TMEM117: variants seen among roughly 807,000 people sequenced by gnomAD.
TMEM117 encodes transmembrane protein 117.
A neutral mutation model predicts 52.4 loss-of-function variants in TMEM117; 27 were observed. The ratio of observed to expected loss-of-function variants is 0.51; its 90% CI spans 0.38 to 0.71. The LOEUF (loss-of-function observed/expected upper bound fraction) is 0.71. Among genes scored for constraint, TMEM117 ranks in the 30% least tolerant of loss-of-function variants. TMEM117 has a pLI of 0.00. For missense variants in TMEM117, 556 were observed against 630.5 expected (o/e 0.88, Z 1.26); for synonymous variants, 215 against 206.3 (o/e 1.04, Z -0.36).
chr12:43,845,091 C>T (rs112801884), intron 2 of TMEM117, 163 bp downstream of exon 2: 2 of 703,666 alleles, frequency 2.8e-6, no homozygotes, highest in Non-Finnish European at 4.5e-6. Context: ...CAACTACTCT[C>T]TGTTAATGGT....
chr12:43,903,573 A>T (rs1466463761), intron 2 of TMEM117, among the ~76,000 whole-genome samples: 1 of 152,250 alleles, frequency 6.6e-6, no homozygotes, highest in African/African-American at 2.4e-5. Flanking sequence ...CTTTTTAGAT[A>T]AAGATAAAAT....
the TMEM117 span, among the ~76,000 whole-genome samples, chr12:43,815,475 G>A: frequency 6.6e-6 from 1 of 152,314 alleles, no homozygotes; most frequent in East Asian, 1.9e-4. Flanking sequence ...AGAGTGAATT[G>A]CTGAAGACAC....
intron 6 of TMEM117, among the ~76,000 whole-genome samples, chr12:44,367,711 T>C (rs1450682492): frequency 1.3e-5 from 2 of 152,172 alleles, no homozygotes; most frequent in Non-Finnish European, 2.9e-5. Flanking sequence ...CTTGGATATC[T>C]AATAAGCCCT....
chr12:43,946,127 G>A (rs534036524), intron 3 of TMEM117, among the ~76,000 whole-genome samples: 25 of 152,188 alleles, frequency 1.6e-4, no homozygotes, highest in Non-Finnish European at 3.4e-4. Context: ...TTTGAAGGCT[G>A]TAACCTATGG....
chr12:43,961,025 C>G (rs1399601709), intron 3 of TMEM117, among the ~76,000 whole-genome samples: 1 of 152,078 alleles, frequency 6.6e-6, no homozygotes, highest in Admixed American at 6.6e-5. Flanking sequence ...TTTGTCCCAG[C>G]ATTCTTTAGC....
chr12:44,027,129 T>TTTTA (rs1946548329), intron 3 of TMEM117, among the ~76,000 whole-genome samples: 1 of 135,962 alleles, frequency 7.4e-6, no homozygotes, highest in African/African-American at 2.8e-5. Context: ...ATTATTTTAT[T>TTTTA]TTATATTTTA....
intron 2 of TMEM117, among the ~76,000 whole-genome samples, chr12:43,864,291 G>A (rs1458986846): frequency 1.3e-5 from 2 of 152,390 alleles, no homozygotes; most frequent in East Asian, 1.9e-4. Context: ...CAGGCACACT[G>A]CGCAGGGACT....
At chr12:44,117,908 C>G (rs1194411677) in intron 3 of TMEM117, among the ~76,000 whole-genome samples, 4 of 151,904 alleles carry the variant, frequency 2.6e-5, no homozygotes, top group Admixed American at 2.6e-4. Flanking sequence ...GATATATGGA[C>G]TATCAATTGT....
chr12:44,162,533 T>C (rs552984734), intron 4 of TMEM117, among the ~76,000 whole-genome samples: 2 of 152,342 alleles, frequency 1.3e-5, no homozygotes, highest in Admixed American at 1.3e-4. Flanking sequence ...TGGGTTTTCT[T>C]GGTTTAGAAG....
chr12:44,301,163 A>T (rs1432178268), intron 6 of TMEM117, among the ~76,000 whole-genome samples: 1 of 152,134 alleles, frequency 6.6e-6, no homozygotes, highest in Non-Finnish European at 1.5e-5. Flanking sequence ...AAATTCTTTG[A>T]TTGTCCATTA....
chr12:43,799,251 G>A, the TMEM117 span: 7 of 466,966 alleles, frequency 1.5e-5, no homozygotes, highest in Non-Finnish European at 2.3e-5. Flanking sequence ...AAGGCATTAA[G>A]CACATAGCCT....
At chr12:44,391,750 C>T (rs1298307059), downstream of TMEM117, among the ~76,000 whole-genome samples, 1 of 152,186 alleles carries the variant, frequency 6.6e-6, no homozygotes, top group African/African-American at 2.4e-5. Flanking sequence ...ATCTGACATT[C>T]AGCTAAGACC....
chr12:44,261,701 A>G (rs1950322571), intron 5 of TMEM117, among the ~76,000 whole-genome samples: 1 of 152,230 alleles, frequency 6.6e-6, no homozygotes, highest in South Asian at 2.1e-4. Flanking sequence ...CATTTCGCTT[A>G]TAAAGAAAAC....
chr12:43,872,851 T>G (rs1364353831), intron 2 of TMEM117, among the ~76,000 whole-genome samples: 2 of 152,220 alleles, frequency 1.3e-5, no homozygotes, highest in African/African-American at 4.8e-5. Flanking sequence ...ATCCACAGAT[T>G]ATAGCTTTCT....
In TMEM117 at chr12:43,842,047, GGTGACCA is replaced by G. The variant is rs1611003; in HGVS notation, c.-28-2572_-28-2566del. Among the ~76,000 whole-genome samples, 1,324 of 152,184 alleles carry G rather than the reference GGTGACCA, an allele frequency of 8.7e-3. 37 individuals carry two copies. The highest frequency in any genetic ancestry group is 0.067 in the East Asian group (345 of 5,180). ...AACTATTTCTTTTTCATGACTCACT[GGTGACCA>G]GTGATGAATTTTTTTTGTAGTGGTG... On this transcript the variant is annotated intron_variant, in intron 1 of 7. Coordinates refer to ENST00000266534, the MANE Select transcript of TMEM117 (RefSeq NM_032256.3).
rs114010011 is a variant in TMEM117, at chr12:44,138,663, G to A, written c.411-4862G>A. 6.9e-3 allele frequency among the ~76,000 whole-genome samples: 1,052 copies of A among 152,232 alleles called. 15 individuals carry two copies. Among genetic ancestry groups the A allele is most frequent in the African/African-American group, 0.024 (1,002 of 41,554 alleles). On this transcript the variant is annotated intron_variant, in intron 3 of 7. Coordinates refer to ENST00000266534, the MANE Select transcript of TMEM117 (RefSeq NM_032256.3). ...TTCAGATGCAATTTTAATCATTACA[G>A]GCTACAGCTAACAATTGTCTGCAGC...
chr12:43,813,231 G>GTTTTTTTTTTTTTTTTTTTTTTTTTTTTT, the TMEM117 span, among the ~76,000 whole-genome samples: 3 of 62,666 alleles, frequency 4.8e-5, no homozygotes, highest in East Asian at 5.1e-4. Context: ...GTTTTCTCTT[G>GTTTTTTTTTTTTTTTTTTTTTTTTTTTTT]TTTTTTTTTT....
chr12:43,905,018 T>C (rs4768534), intron 2 of TMEM117, among the ~76,000 whole-genome samples: 119,015 of 152,022 alleles, frequency 0.78, 49,069 homozygotes, highest in Non-Finnish European at 0.9. Flanking sequence ...TGGTGCATGC[T>C]TGTAATTCCA....
In TMEM117 at chr12:44,120,096, C is replaced by G. The variant is rs140758587; in HGVS notation, c.411-23429C>G. On this transcript the variant is annotated intron_variant, in intron 3 of 7. Coordinates refer to ENST00000266534, the MANE Select transcript of TMEM117 (RefSeq NM_032256.3). ...ATGGGGCCTGGAGGTAGCACCTGGG[C>G]AATTGTCTGGTGCCCATGAAGGTGT... Among the ~76,000 whole-genome samples, 73 of 151,970 alleles carry G rather than the reference C, an allele frequency of 4.8e-4. 1 individual carries two copies. In the East Asian group the frequency reaches 0.012, roughly 25 times the overall value.
Sources: gnomAD v4.1 joint callset for allele counts (sites outside exome capture counted in the v4.1 genomes callset) on GRCh38, gnomAD v4.1.1 for gene constraint, MANE v1.5 for transcripts, NCBI Gene and HGNC (gene_info 2026-07-23, HGNC 2026-07-21) for gene names.